Variants in TENM2 observed in about 807,000 individuals in gnomAD.
The protein encoded by TENM2 is teneurin transmembrane protein 2.
A neutral mutation model predicts 245.2 loss-of-function variants in TENM2; 52 were observed. The ratio of observed to expected loss-of-function variants is 0.21; its 90% CI spans 0.17 to 0.27. The LOEUF (loss-of-function observed/expected upper bound fraction) is 0.27. TENM2 is among the 10% of genes least tolerant of loss of function. The pLI is 1.00. For missense variants in TENM2, 3,046 were observed against 3,666.8 expected (o/e 0.83, Z 4.37); for synonymous variants, 1,363 against 1,438.9 (o/e 0.95, Z 1.19).
At chr5:167,152,792 G>A in the TENM2 span, among the ~76,000 whole-genome samples, 1 of 152,196 alleles carries the variant, frequency 6.6e-6, no homozygotes, top group Admixed American at 6.5e-5. Flanking sequence ...GGGCAGGACA[G>A]AGCAGGACAG....
At chr5:168,043,290 T>A (rs544786888) in intron 5 of TENM2, among the ~76,000 whole-genome samples, 27 of 152,236 alleles carry the variant, frequency 1.8e-4, no homozygotes, top group Admixed American at 1.3e-3. Context: ...GGTCTTCCTA[T>A]GTTACACAGG....
chr5:167,347,458 A>C (rs1581799677), intron 1 of TENM2, among the ~76,000 whole-genome samples: 1 of 152,204 alleles, frequency 6.6e-6, no homozygotes, highest in African/African-American at 2.4e-5. Flanking sequence ...AAATATTTTC[A>C]TTGGCATAGA....
At chr5:167,390,449 T>C (rs1409112247) in intron 2 of TENM2, among the ~76,000 whole-genome samples, 1 of 152,140 alleles carries the variant, frequency 6.6e-6, no homozygotes, top group East Asian at 1.9e-4. Flanking sequence ...AATTATGTAT[T>C]AAATATTCTT....
At chr5:167,930,251 C>T (rs916633785) in intron 3 of TENM2, among the ~76,000 whole-genome samples, 1 of 152,064 alleles carries the variant, frequency 6.6e-6, no homozygotes, top group Non-Finnish European at 1.5e-5. Context: ...CTCACAAATA[C>T]AGATTTCTTA....
At chr5:167,101,849 T>TTATATATATATATTTATATA in the TENM2 span, among the ~76,000 whole-genome samples, 584 of 69,344 alleles carry the variant, frequency 8.4e-3, 10 homozygotes, top group African/African-American at 0.032. Context: ...ATATATATAT[T>TTATATATATATATTTATATA]TATATATATA....
At chr5:167,157,387 T>A in the TENM2 span, among the ~76,000 whole-genome samples, 3 of 152,336 alleles carry the variant, frequency 2.0e-5, no homozygotes, top group Admixed American at 2.0e-4. Flanking sequence ...TGGTTTACAT[T>A]TTTTAGTAGC....
intron 5 of TENM2, among the ~76,000 whole-genome samples, chr5:168,025,644 T>G (rs779490522): frequency 3.9e-4 from 60 of 152,236 alleles, no homozygotes; most frequent in Non-Finnish European, 6.0e-4. Flanking sequence ...CTACCATATG[T>G]GCTTGGGTTC....
chr5:167,538,090 G>A (rs1008514765), intron 2 of TENM2, among the ~76,000 whole-genome samples: 5 of 152,152 alleles, frequency 3.3e-5, no homozygotes, highest in African/African-American at 4.8e-5. Context: ...TTGCCTCATC[G>A]GCAAAATGGG....
the TENM2 span, among the ~76,000 whole-genome samples, chr5:167,038,222 C>T: frequency 5.3e-5 from 8 of 152,288 alleles, no homozygotes; most frequent in South Asian, 2.1e-4. Context: ...AAACATCTTC[C>T]GTGACCAAAG....
chr5:167,456,420 T>C (rs1221033868), intron 2 of TENM2, among the ~76,000 whole-genome samples: 1 of 144,198 alleles, frequency 6.9e-6, no homozygotes, highest in Non-Finnish European at 1.6e-5. Context: ...CCTCTAATTC[T>C]TTTCCAAGCA....
At chr5:167,306,164 C>T (rs1192730688) in intron 1 of TENM2, 1 of 152,144 alleles carries the variant, frequency 6.6e-6, no homozygotes, top group African/African-American at 2.4e-5. Flanking sequence ...AGGCAGTAGC[C>T]TGCTCCTTAT....
chr5:168,007,933 G>T (rs565735838), intron 5 of TENM2, among the ~76,000 whole-genome samples: 1 of 151,960 alleles, frequency 6.6e-6, no homozygotes, highest in Admixed American at 6.6e-5. Flanking sequence ...CCGTAATAGC[G>T]ATGATACCTT....
intron 2 of TENM2, among the ~76,000 whole-genome samples, chr5:167,458,588 T>C (rs1766081994): frequency 6.6e-6 from 1 of 151,076 alleles, no homozygotes. Flanking sequence ...TGGCCATATC[T>C]AAGAAAGTAA....
chr5:168,056,721 C>T (rs1381615452), intron 6 of TENM2, among the ~76,000 whole-genome samples: 1 of 152,170 alleles, frequency 6.6e-6, no homozygotes, highest in Non-Finnish European at 1.5e-5. Context: ...AAGCAACTTC[C>T]AGTCCTGCAA....
intron 7 of TENM2, among the ~76,000 whole-genome samples, chr5:168,075,268 A>G (rs945969423): frequency 3.3e-5 from 5 of 152,108 alleles, no homozygotes; most frequent in African/African-American, 1.2e-4. Context: ...TCGTTATTTC[A>G]TTCCTTTTAA....
intron 5 of TENM2, among the ~76,000 whole-genome samples, chr5:168,021,802 G>A (rs548081641): frequency 6.1e-5 from 9 of 148,328 alleles, no homozygotes; most frequent in African/African-American, 2.0e-4. Flanking sequence ...CTATTTTAAA[G>A]GCAGATTCCA....
At chr5:168,226,471 AC>A (rs1333399237) in intron 24 of TENM2, among the ~76,000 whole-genome samples, 1 of 152,164 alleles carries the variant, frequency 6.6e-6, no homozygotes, top group East Asian at 1.9e-4. Context: ...AATGTCATCT[AC>A]ACCCAGCCAA....
chr5:167,218,269 A>G, the TENM2 span, among the ~76,000 whole-genome samples: 3 of 152,162 alleles, frequency 2.0e-5, no homozygotes, highest in South Asian at 4.1e-4. Flanking sequence ...AAAATCTGAG[A>G]ATCAATATAA....
chr5:167,577,020 G>C (rs1774740608), intron 2 of TENM2, among the ~76,000 whole-genome samples: 1 of 152,200 alleles, frequency 6.6e-6, no homozygotes, highest in Non-Finnish European at 1.5e-5. Context: ...TAGGAATGCA[G>C]AGAGCAAACA....
Sources: gnomAD v4.1 joint callset for allele counts (sites outside exome capture counted in the v4.1 genomes callset) on GRCh38, gnomAD v4.1.1 for gene constraint, MANE v1.5 for transcripts, NCBI Gene and HGNC (gene_info 2026-07-23, HGNC 2026-07-21) for gene names.